The following AKAP6 variants were observed in gnomAD, a reference collection of about 807,000 sequenced individuals.
AKAP6 encodes A-kinase anchor protein 6.
AKAP6 carries 58 observed loss-of-function variants against 188.5 expected under a neutral mutation model. The observed-to-expected ratio is 0.31, with a 90% CI of 0.25 to 0.38. AKAP6 has a LOEUF of 0.38. AKAP6 is among the 10% of genes least tolerant of loss of function. The pLI, the probability that AKAP6 is intolerant of heterozygous loss-of-function variation, is 1.00. For missense variants in AKAP6, 2,710 were observed against 2,740.0 expected (o/e 0.99, Z 0.24); for synonymous variants, 989 against 998.6 (o/e 0.99, Z 0.18).
intron 7 of AKAP6, among the ~76,000 whole-genome samples, chr14:32,632,461 A>G (rs1887316055): frequency 6.6e-6 from 1 of 152,132 alleles, no homozygotes; most frequent in Admixed American, 6.6e-5. Context: ...ATTTTGTAGG[A>G]TTGCAAGAAA....
Position 32,773,825 on chromosome 14 carries a change from T to C in AKAP6, c.3520T>C (p.Trp1174Arg). 6.2e-7 allele frequency: 1 copy of C among 1,613,986 alleles called. No individual in the cohort carries two copies. The highest frequency in any genetic ancestry group is 8.5e-7 in the Non-Finnish European group (1 of 1,179,974). Residue 1174 changes from tryptophan (W) to arginine (R), a missense_variant, in exon 12 of 14, where the codon TGG (tryptophan) becomes CGG (arginine). Physicochemically the swap from Trp to Arg is moderately radical, Grantham distance 101. Around this residue, in one of 2 missense-constraint regions of AKAP6, gnomAD observed 2,473 missense variants for 2,426.1 expected, o/e 1.02. Coordinates refer to ENST00000280979, the MANE Select transcript of AKAP6 (RefSeq NM_004274.5). The part of the protein sequence containing the change: ...QLIIVNLERR[W>R]EAIVMQAVQW... ...GATCATTGTAAATCTTGAAAGAAGG[T>C]GGGAAGCCATTGTCATGCAAGCCGT... is the stretch of plus-strand genomic sequence containing the variant.
At chr14:32,417,321 G>A (rs1373215973) in intron 1 of AKAP6, among the ~76,000 whole-genome samples, 2 of 152,032 alleles carry the variant, frequency 1.3e-5, no homozygotes, top group East Asian at 3.9e-4. Context: ...TATTTTAACA[G>A]GGTTAAATAT....
At chr14:32,416,931 C>T (rs1889679818) in intron 1 of AKAP6, among the ~76,000 whole-genome samples, 2 of 152,184 alleles carry the variant, frequency 1.3e-5, no homozygotes, top group South Asian at 4.1e-4. Context: ...ACTTCCGCCT[C>T]CTGGGTTCAA....
At chr14:32,373,198 G>A (rs1291800664) in intron 1 of AKAP6, 3 of 152,102 alleles carry the variant, frequency 2.0e-5, no homozygotes, top group African/African-American at 7.2e-5. Flanking sequence ...TAGAAAAAGA[G>A]TAATTCACAC....
At chr14:32,554,783 C>T (rs896676816) in intron 4 of AKAP6, among the ~76,000 whole-genome samples, 1 of 152,144 alleles carries the variant, frequency 6.6e-6, no homozygotes, top group South Asian at 2.1e-4. Context: ...GAAAGCAGCA[C>T]AGGGTATGCC....
At position 32,821,653 on chromosome 14, in the gene AKAP6, C is replaced by A; in HGVS notation, c.3840C>A (p.Pro1280=). Residue 1280 remains proline, a synonymous_variant, in exon 13 of 14, where the codon CCC becomes CCA. Coordinates refer to ENST00000280979, the MANE Select transcript of AKAP6 (RefSeq NM_004274.5). ...AGTATGCCTCAAATATTACTGCCCC[C>A]TCTAGTCCACACATTTACCAGGTGT... ...GSQYASNITA[P]SSPHIYQVYS... is the part of the protein sequence containing the mutation. The A allele has an allele frequency of 1.2e-6, 2 of 1,613,788 alleles. No individual in the cohort carries two copies. The highest frequency in any genetic ancestry group is 8.5e-7 in the Non-Finnish European group (1 of 1,179,902).
At chr14:32,462,944 A>G (rs1215207661) in intron 2 of AKAP6, among the ~76,000 whole-genome samples, 28 of 141,198 alleles carry the variant, frequency 2.0e-4, no homozygotes, top group African/African-American at 6.9e-4. Flanking sequence ...TTGCAATCCT[A>G]ATCTCTGATA....
At chr14:32,334,933 T>C (rs529753613) in intron 1 of AKAP6, among the ~76,000 whole-genome samples, 1 of 152,312 alleles carries the variant, frequency 6.6e-6, no homozygotes, top group African/African-American at 2.4e-5. Context: ...AGGGAGAGAA[T>C]GTGGAACCTT....
At chr14:32,364,535 G>A (rs1216777284) in intron 1 of AKAP6, among the ~76,000 whole-genome samples, 1 of 152,014 alleles carries the variant, frequency 6.6e-6, no homozygotes, top group Non-Finnish European at 1.5e-5. Context: ...CTTTGTCTAA[G>A]GTAAATTATA....
chr14:32,498,065 A>T (rs1416267994), intron 2 of AKAP6, among the ~76,000 whole-genome samples: 4 of 152,202 alleles, frequency 2.6e-5, no homozygotes, highest in African/African-American at 4.8e-5. Context: ...ATCAAGGTAT[A>T]AGTAGAATTC....
chr14:32,463,056 C>CTAAACATA (rs1289950623), intron 2 of AKAP6, among the ~76,000 whole-genome samples: 1 of 149,550 alleles, frequency 6.7e-6, no homozygotes, highest in Non-Finnish European at 1.5e-5. Flanking sequence ...GGTAACTATG[C>CTAAACATA]TAAACATATA....
chr14:32,356,819 T>C (rs1364846113), intron 1 of AKAP6, among the ~76,000 whole-genome samples: 1 of 152,086 alleles, frequency 6.6e-6, no homozygotes, highest in African/African-American at 2.4e-5. Flanking sequence ...CAGGCTATTA[T>C]ATCCCCTAGC....
Position 32,635,681 on chromosome 14 carries a change from AAAG to A in AKAP6, c.2730+34892_2730+34894del, listed in dbSNP as rs1180317420. On this transcript the variant is annotated intron_variant, in intron 7 of 13. Coordinates refer to ENST00000280979, the MANE Select transcript of AKAP6 (RefSeq NM_004274.5). ...GGTAATTGATAATTATAGTGGGAGA[AAAG>A]AATGTTGAACATTTTTATGAGAAAA... Among the ~76,000 whole-genome samples the A allele has an allele frequency of 3.9e-5, 6 of 152,222 alleles. No individual in the cohort carries two copies. The East Asian group carries it at 7.7e-4, about 20-fold the overall frequency.
intron 7 of AKAP6, among the ~76,000 whole-genome samples, chr14:32,667,712 T>C (rs989014301): frequency 5.3e-5 from 8 of 152,088 alleles, no homozygotes; most frequent in African/African-American, 1.9e-4. Context: ...ATTAGAACCC[T>C]AGGAGGCTAA....
intron 7 of AKAP6, among the ~76,000 whole-genome samples, chr14:32,645,487 G>A (rs1262822454): frequency 6.6e-6 from 1 of 152,110 alleles, no homozygotes; most frequent in Non-Finnish European, 1.5e-5. Context: ...CTCACTTGTT[G>A]CCCTAGCTGG....
At chr14:32,400,149 T>C (rs1012537399) in intron 1 of AKAP6, among the ~76,000 whole-genome samples, 2 of 152,066 alleles carry the variant, frequency 1.3e-5, no homozygotes, top group Non-Finnish European at 2.9e-5. Flanking sequence ...TGGTTATAAA[T>C]TCTCAGGGGA....
chr14:32,767,119 G>A (rs766129104), intron 11 of AKAP6, among the ~76,000 whole-genome samples: 42 of 152,120 alleles, frequency 2.8e-4, no homozygotes, highest in Non-Finnish European at 2.4e-4. Context: ...TTTATTGAAA[G>A]GTATCTTATA....
intron 1 of AKAP6, among the ~76,000 whole-genome samples, chr14:32,410,146 C>CTCT (rs1555326315): frequency 6.6e-6 from 1 of 151,358 alleles, no homozygotes; most frequent in Non-Finnish European, 1.5e-5. Flanking sequence ...AATCCCCTTC[C>CTCT]CCTCCTTTTT....
At chr14:32,578,449 C>G (rs552129321) in intron 5 of AKAP6, among the ~76,000 whole-genome samples, 1 of 152,202 alleles carries the variant, frequency 6.6e-6, no homozygotes, top group Non-Finnish European at 1.5e-5. Flanking sequence ...AACCACCTCT[C>G]TTGTACATGG....
Sources: gnomAD v4.1 joint callset for allele counts (sites outside exome capture counted in the v4.1 genomes callset) on GRCh38, gnomAD v4.1.1 for gene constraint, gnomAD v4.1.1 regional missense constraint, MANE v1.5 for transcripts, NCBI Gene and HGNC (gene_info 2026-07-23, HGNC 2026-07-21) for gene names.